Variants in DYNC1H1 observed in about 807,000 individuals in gnomAD.
DYNC1H1 encodes the protein dynein cytoplasmic 1 heavy chain 1, also known as cytoplasmic dynein 1 heavy chain 1.
A neutral mutation model predicts 527.1 loss-of-function variants in DYNC1H1; 51 were observed. The ratio of observed to expected loss-of-function variants is 0.10; its 90% CI spans 0.08 to 0.12. The LOEUF (loss-of-function observed/expected upper bound fraction) is 0.12. Among genes scored for constraint, DYNC1H1 ranks in the 10% least tolerant of loss-of-function variants. The pLI is 1.00. For missense variants in DYNC1H1, 2,771 were observed against 5,971.8 expected (o/e 0.46, Z 17.66); for synonymous variants, 2,189 against 2,278.8 (o/e 0.96, Z 1.12).
At chr14:101,968,780 T>G (rs1409600495) in intron 1 of DYNC1H1, among the ~76,000 whole-genome samples, 1 of 152,172 alleles carries the variant, frequency 6.6e-6, no homozygotes, top group African/African-American at 2.4e-5. Context: ...CAGGCTGGTC[T>G]TGAACTCTTG....
At chr14:101,980,064 T>C (rs1304332638) in intron 4 of DYNC1H1, 90 bp downstream of exon 4, 1 of 1,587,582 alleles carries the variant, frequency 6.3e-7, no homozygotes, top group Non-Finnish European at 8.6e-7. Context: ...TGAGGTAAAT[T>C]ATGTGATAAC....
At position 102,009,041 on chromosome 14, in the gene DYNC1H1, GCCACCTGTCTGGCCAGTGTT is replaced by G. The variant is rs1222464534; in HGVS notation, c.5977+706_5977+725del. On this transcript the variant is annotated intron_variant, in intron 29 of 77. Transcript: ENST00000360184. ...CATCGTCAGAGAGCCAGCCTCCCCAGCCACCTGTCTGGCCAGTGTTCTGCCATCTGTCTTTGGAAACAAGC... is the reference window on the plus strand; with the variant it reads ...CATCGTCAGAGAGCCAGCCTCCCCAGCTGCCATCTGTCTTTGGAAACAAGC... Among the ~76,000 whole-genome samples, 5 of 152,274 alleles carry G rather than the reference GCCACCTGTCTGGCCAGTGTT, an allele frequency of 3.3e-5. No individual in the cohort carries two copies. The South Asian group carries it at 1.0e-3, about 32-fold the overall frequency.
rs551277467 is a variant in DYNC1H1, at chr14:101,997,558, T to G, written c.3804+284T>G. On this transcript the variant is annotated intron_variant, in intron 16 of 77. Transcript: ENST00000360184. The surrounding 1 kb of genome is among the most constrained non-coding windows in gnomAD (Gnocchi z 4.8). ...CGTAGATATGCGCAGAAATTAGAGT[T>G]TAATTTCCTGTAGACAAAGGCCAAG... 6.6e-6 allele frequency among the ~76,000 whole-genome samples: 1 copy of G among 152,288 alleles called. No individual in the cohort carries two copies. Among genetic ancestry groups the G allele is most frequent in the Admixed American group, 6.5e-5 (1 of 15,284 alleles).
In DYNC1H1 at chr14:102,020,098, C is replaced by T. The variant is rs2048368117; in HGVS notation, c.8507+42C>T. The T allele has an allele frequency of 1.2e-6, 2 of 1,609,856 alleles. No homozygotes were observed. The highest frequency in any genetic ancestry group is 2.2e-5 in the East Asian group (1 of 44,802). ...ATCCAGTTGGTCCCATTCTCCCCTG[C>T]TCTGAGTTCTTACAGCTGTCGAAGC... On this transcript the variant is annotated intron_variant, in intron 42 of 77. Coordinates refer to ENST00000360184, the MANE Select transcript of DYNC1H1 (RefSeq NM_001376.5). This position sits in a 1 kb window ranked among gnomAD's most constrained non-coding sequence, Gnocchi z 4.3.
intron 29 of DYNC1H1, among the ~76,000 whole-genome samples, chr14:102,009,089 T>G (rs2048229927): frequency 6.6e-6 from 1 of 152,138 alleles, no homozygotes; most frequent in African/African-American, 2.4e-5. Flanking sequence ...AAACAAGCCC[T>G]TTATCACGAT....
rs537402426 is a variant in DYNC1H1, at chr14:102,005,437, G to A, written c.5433+201G>A. On this transcript the variant is annotated intron_variant, in intron 26 of 77. Coordinates refer to ENST00000360184, the MANE Select transcript of DYNC1H1 (RefSeq NM_001376.5). The surrounding 1 kb of genome is among the most constrained non-coding windows in gnomAD (Gnocchi z 4.0). The stretch of plus-strand genomic sequence containing the variant: ...TCTCAGGGGCATGCAGGGGTTACGC[G>A]ACATCACGGTAGAGAGGAAGGGATC... Among the ~76,000 whole-genome samples, 1 of 152,308 alleles carries A rather than the reference G, an allele frequency of 6.6e-6. No homozygotes were observed. Among genetic ancestry groups the A allele is most frequent in the South Asian group, 2.1e-4 (1 of 4,830 alleles).
chr14:102,050,048 G>A (rs1305870218), intron 76 of DYNC1H1, 23 bp from the exon 77 acceptor site: 1 of 1,533,418 alleles, frequency 6.5e-7, no homozygotes, highest in South Asian at 1.1e-5. Context: ...ACCTCAGCCT[G>A]GGTTTTGGCT....
intron 10 of DYNC1H1, among the ~76,000 whole-genome samples, chr14:101,991,150 G>A (rs773519078): frequency 3.9e-5 from 6 of 152,020 alleles, no homozygotes; most frequent in Non-Finnish European, 8.8e-5. Flanking sequence ...TCCAGCCTGG[G>A]TGACAGAGTG....
intron 27 of DYNC1H1, among the ~76,000 whole-genome samples, chr14:102,006,551 ATGTGGTG>A (rs2048198848): frequency 6.6e-6 from 1 of 151,754 alleles, no homozygotes; most frequent in South Asian, 2.1e-4. Flanking sequence ...CTTCTTAATT[ATGTGGTG>A]TGTACATTCT....
intron 48 of DYNC1H1, chr14:102,028,600 C>T (rs1209712558): frequency 4.1e-6 from 1 of 243,308 alleles, no homozygotes; most frequent in Non-Finnish European, 8.1e-6. Context: ...TTACCTCTTA[C>T]CTCTTTAGTA....
At position 102,011,720 on chromosome 14, in the gene DYNC1H1, C is replaced by A; in HGVS notation, c.6619-155C>A. ...TGAGCTGAGATCGTGCCACTGCATT[C>A]CAGTCTGGGTGACAGAGAGAGACTC... On this transcript the variant is annotated intron_variant, in intron 32 of 77. Coordinates refer to ENST00000360184, the MANE Select transcript of DYNC1H1 (RefSeq NM_001376.5). This position sits in a 1 kb window ranked among gnomAD's most constrained non-coding sequence, Gnocchi z 5.3. 2.6e-6 allele frequency: 2 copies of A among 757,148 alleles called. No individual in the cohort carries two copies. Among genetic ancestry groups the A allele is most frequent in the Non-Finnish European group, 4.4e-6 (2 of 453,076 alleles). The allele number at this position is 757,148 out of a possible 1,614,324, so 46.9% of individuals were successfully genotyped here. A position where few individuals can be genotyped will look rare whatever the true frequency, so the allele number is the denominator to read the frequency against.
chr14:102,040,094 C>G (rs2048627930), intron 62 of DYNC1H1, 142 bp from the exon 63 acceptor site: 2 of 1,172,170 alleles, frequency 1.7e-6, no homozygotes, highest in Non-Finnish European at 2.5e-6. Flanking sequence ...ATCCGCCCAC[C>G]TCGGCCTCCC....
In DYNC1H1 at chr14:102,042,173, G is replaced by A. The variant is rs776248816; in HGVS notation, c.12214+49G>A. ...TGGGCTGGAGCCCTGCAGGATTTGTGGTGGGCATTGATGTCCGAGGCTGCC... is the reference window on the plus strand; with the variant it reads ...TGGGCTGGAGCCCTGCAGGATTTGTAGTGGGCATTGATGTCCGAGGCTGCC... On this transcript the variant is annotated intron_variant, in intron 66 of 77. Transcript: ENST00000360184. This position sits in a 1 kb window ranked among gnomAD's most constrained non-coding sequence, Gnocchi z 5.7. The A allele has an allele frequency of 9.3e-6, 15 of 1,613,844 alleles. No individual in the cohort carries two copies. In the South Asian group the frequency reaches 1.5e-4, roughly 17 times the overall value.
chr14:101,979,169 T>C lies in DYNC1H1; in HGVS notation c.345-150T>C. ...TCACATTCTGTAACCATAACCTTGA[T>C]TCAGTAGCTCTCATGTACTAAAGAA... On this transcript the variant is annotated intron_variant, in intron 2 of 77. Transcript: ENST00000360184. This position sits in a 1 kb window ranked among gnomAD's most constrained non-coding sequence, Gnocchi z 4.6. The C allele has an allele frequency of 1.3e-6, 1 of 749,688 alleles. No individual in the cohort carries two copies. The allele number at this position is 749,688 out of a possible 1,614,324, so 46.4% of individuals were successfully genotyped here.
chr14:102,047,832 G>T lies in DYNC1H1; in HGVS notation c.13022G>T (p.Ser4341Ile). Residue 4341 changes from serine (S) to isoleucine (I), a missense_variant, in exon 73 of 78, where the codon AGT becomes ATT. Transcript: ENST00000360184. ...TGTGGCCCAGGTGTGGACATGATCA[G>T]TAAAATGCTGAAGATGCAGATGTTG... Reference protein sequence around the residue: ...LLTTQGVDMISKMLKMQMLED... With the variant: ...LLTTQGVDMIIKMLKMQMLED... 6.2e-7 allele frequency: 1 copy of T among 1,613,398 alleles called. No individual in the cohort carries two copies. Among genetic ancestry groups the T allele is most frequent in the South Asian group, 1.1e-5 (1 of 91,058 alleles).
At position 102,001,117 on chromosome 14, in the gene DYNC1H1, C is replaced by G; in HGVS notation, c.4186-28C>G. ...AGTGTCCATTAGAAACGCACCTGCA[C>G]AGATCACTTTGTTTACTTTCTCCAC... is the stretch of plus-strand genomic sequence containing the variant. On this transcript the variant is annotated intron_variant, in intron 19 of 77. Coordinates refer to ENST00000360184, the MANE Select transcript of DYNC1H1 (RefSeq NM_001376.5). The surrounding 1 kb of genome is among the most constrained non-coding windows in gnomAD (Gnocchi z 5.0). The G allele has an allele frequency of 6.2e-7, 1 of 1,614,120 alleles. No homozygotes were observed.
At chr14:102,040,141 G>A (rs1407971309) in intron 62 of DYNC1H1, 95 bp from the exon 63 acceptor site, 39 of 1,538,528 alleles carry the variant, frequency 2.5e-5, no homozygotes, top group Middle Eastern at 2.0e-4. Flanking sequence ...CACTGTGCCC[G>A]GCCTGTTTTC....
rs765613848 is a variant in DYNC1H1 at position 102,010,755 on chromosome 14, G to A, written c.6421G>A (p.Val2141Ile). 1.3e-5 allele frequency: 21 copies of A among 1,612,874 alleles called. No homozygotes were observed. Among genetic ancestry groups the A allele is most frequent in the Middle Eastern group, 1.9e-4 (1 of 5,204 alleles). ...CTCCCCGTAGATTCTGATACAGAGC[G>A]TCTGTGAGACGATGGTGCCAAAGCT... ...LPEQEILIQS[V>I]CETMVPKLVA... Residue 2141 changes from valine to isoleucine, a missense_variant, in exon 32 of 78, where the codon GTC becomes ATC. Physicochemically the swap from Val to Ile is conservative, Grantham distance 29. Coordinates refer to ENST00000360184, the MANE Select transcript of DYNC1H1 (RefSeq NM_001376.5). The surrounding 1 kb of genome is among the most constrained non-coding windows in gnomAD (Gnocchi z 6.0).
Position 101,964,798 on chromosome 14 carries a change from A to T in DYNC1H1, c.107A>T (p.Lys36Met). ...TCGGTGCTGCAGAAGCACCTGCGCA[A>T]GCTGGTGCCGCTGCTGCTGGAGGAC... ...DVSVLQKHLR[K>M]LVPLLLEDGG... Residue 36 changes from lysine to methionine, a missense_variant, in exon 1 of 78, where the codon AAG becomes ATG. This residue lies in a region of DYNC1H1 where 101 missense variants were observed against 105.3 expected (regional missense o/e 0.96). Transcript: ENST00000360184. The surrounding 1 kb of genome is among the most constrained non-coding windows in gnomAD (Gnocchi z 5.5). 6.2e-7 allele frequency: 1 copy of T among 1,603,870 alleles called. No individual in the cohort carries two copies. Among genetic ancestry groups the T allele is most frequent in the Non-Finnish European group, 8.5e-7 (1 of 1,176,908 alleles).
Sources: allele counts gnomAD v4.1 joint callset (sites outside exome capture counted in the v4.1 genomes callset), GRCh38; gene constraint gnomAD v4.1.1; regional missense constraint gnomAD v4.1.1; non-coding constraint Gnocchi (gnomAD v3.1); transcripts MANE v1.5; gene names NCBI Gene and HGNC (gene_info 2026-07-23, HGNC 2026-07-21).